ROPN1L: variants seen among roughly 807,000 people sequenced by gnomAD.
ROPN1L encodes the protein ropporin-1-like protein.
In ROPN1L, 23 loss-of-function variants were observed where a neutral mutation model predicts 22.7. The ratio of observed to expected loss-of-function variants is 1.01; its 90% CI spans 0.73 to 1.43. The LOEUF is 1.43. Ranked by LOEUF, ROPN1L falls within the 40% of genes most tolerant of loss-of-function variation. The probability of loss-of-function intolerance (pLI) is 0.00; values close to 1 mark genes in which losing one functional copy is unlikely to be tolerated. For missense variants in ROPN1L, 271 were observed against 291.5 expected, an observed-to-expected ratio of 0.93 and a Z score of 0.51; for synonymous variants, 116 against 117.8, an observed-to-expected ratio of 0.98 and a Z score of 0.10.
downstream of ROPN1L, among the ~76,000 whole-genome samples, chr5:10,466,888 C>T (rs566629088): frequency 2.6e-5 from 4 of 152,230 alleles, no homozygotes; most frequent in East Asian, 1.9e-4. Flanking sequence ...CTGGTTTCTC[C>T]GGAGGCCTCT....
At chr5:10,478,989 C>A in the ROPN1L span, among the ~76,000 whole-genome samples, 1 of 152,176 alleles carries the variant, frequency 6.6e-6, no homozygotes, top group African/African-American at 2.4e-5. Context: ...CTTGTCCACA[C>A]AGAAGGATTA....
downstream of ROPN1L, among the ~76,000 whole-genome samples, chr5:10,468,177 C>T (rs1428825802): frequency 6.6e-6 from 1 of 152,256 alleles, no homozygotes; most frequent in African/African-American, 2.4e-5. Context: ...ACCATTGGGG[C>T]TCCAAGTGCC....
intron 3 of ROPN1L, among the ~76,000 whole-genome samples, chr5:10,459,944 G>A (rs1488725084): frequency 1.3e-5 from 2 of 152,176 alleles, no homozygotes; most frequent in Admixed American, 6.5e-5. Context: ...GTGTGTGTTG[G>A]CGAGGGGGGT....
intron 1 of ROPN1L, among the ~76,000 whole-genome samples, chr5:10,447,927 C>T (rs552251836): frequency 2.7e-4 from 41 of 152,216 alleles, no homozygotes; most frequent in Non-Finnish European, 5.0e-4. Context: ...GGAACTCCAG[C>T]TGATTGTGAA....
chr5:10,459,953 G>A (rs370811338), intron 3 of ROPN1L, among the ~76,000 whole-genome samples: 1 of 152,206 alleles, frequency 6.6e-6, no homozygotes, highest in African/African-American at 2.4e-5. Flanking sequence ...GGCGAGGGGG[G>A]TTACGTTTAA....
At chr5:10,476,119 A>G (rs1365572589), downstream of ROPN1L, among the ~76,000 whole-genome samples, 1 of 152,258 alleles carries the variant, frequency 6.6e-6, no homozygotes, top group Non-Finnish European at 1.5e-5. Context: ...CCACGTGACC[A>G]CATTGAATTG....
At chr5:10,475,998 G>A (rs1735311766), downstream of ROPN1L, among the ~76,000 whole-genome samples, 1 of 152,180 alleles carries the variant, frequency 6.6e-6, no homozygotes, top group Non-Finnish European at 1.5e-5. Flanking sequence ...CATCTGCATG[G>A]GTGCAGTTCA....
chr5:10,445,174 G>A (rs1741016173), intron 1 of ROPN1L, among the ~76,000 whole-genome samples: 2 of 152,086 alleles, frequency 1.3e-5, no homozygotes, highest in African/African-American at 2.4e-5. Flanking sequence ...GTTTCACCAT[G>A]TTGGCCACGC....
Position 10,450,186 on chromosome 5 carries a change from A to G in ROPN1L, c.417+73A>G, listed in dbSNP as rs1741210513. On this transcript the variant is annotated intron_variant, in intron 3 of 4. Transcript: ENST00000274134. The stretch of plus-strand genomic sequence containing the variant: ...CCAGCTTAAAAATAATTTAGGTTTC[A>G]GTAACTAAAGGAAACACTTTAGTAA... 5 of 1,267,124 alleles carry G rather than the reference A, an allele frequency of 3.9e-6. No homozygotes were observed. The South Asian group carries it at 6.5e-5, about 16-fold the overall frequency. 78.5% of individuals were successfully genotyped at this position (1,267,124 alleles called of 1,614,324 possible). A position where few individuals can be genotyped will look rare whatever the true frequency, so the allele number is the denominator to read the frequency against.
intron 3 of ROPN1L, among the ~76,000 whole-genome samples, chr5:10,457,041 A>AC (rs1741442968): frequency 6.6e-6 from 1 of 152,194 alleles, no homozygotes. Context: ...CAAGCAAGGA[A>AC]CATGGATTGT....
Position 10,464,861 on chromosome 5 carries a change from A to G in ROPN1L, c.607A>G (p.Asn203Asp), listed in dbSNP as rs566464299. The G allele has an allele frequency of 8.1e-5, 130 of 1,597,368 alleles. No homozygotes were observed. The highest frequency in any genetic ancestry group is 1.1e-4 in the Non-Finnish European group (127 of 1,173,392). Residue 203 changes from asparagine (N) to aspartate (D), a missense_variant, in exon 5 of 5, where the codon AAC becomes GAC. Coordinates refer to ENST00000274134, the MANE Select transcript of ROPN1L (RefSeq NM_031916.5). ...SLKENIDARK[N>D]GMIGLSDFFF... Reference sequence around the variant, plus strand: ...TTTCCAATTTAGAGACGCCAGGAAGAACGGCATGATAGGTCTTTCAGATTT... The same window carrying G: ...TTTCCAATTTAGAGACGCCAGGAAGGACGGCATGATAGGTCTTTCAGATTT...
the ROPN1L span, among the ~76,000 whole-genome samples, chr5:10,479,714 G>A: frequency 3.9e-5 from 6 of 152,270 alleles, no homozygotes; most frequent in Non-Finnish European, 5.9e-5. Context: ...CTAAATGCAC[G>A]GCACGGCTTT....
chr5:10,461,823 T>C (rs1460528687), intron 4 of ROPN1L, among the ~76,000 whole-genome samples: 1 of 152,240 alleles, frequency 6.6e-6, no homozygotes, highest in Non-Finnish European at 1.5e-5. Context: ...ACAAAGGATA[T>C]TTTAAAGGCT....
intron 4 of ROPN1L, 135 bp from the exon 5 acceptor site, chr5:10,464,713 A>G: frequency 5.6e-6 from 3 of 534,170 alleles, no homozygotes; most frequent in Non-Finnish European, 1.0e-5. Flanking sequence ...TATTTTTGGA[A>G]GTAAGAATTA....
At chr5:10,458,524 C>G (rs1734906522) in intron 3 of ROPN1L, among the ~76,000 whole-genome samples, 1 of 120,172 alleles carries the variant, frequency 8.3e-6, no homozygotes, top group South Asian at 3.2e-4. Context: ...CACCATCCCC[C>G]TCATGTACAC....
intron 1 of ROPN1L, among the ~76,000 whole-genome samples, chr5:10,446,669 A>AAT (rs1192179194): frequency 6.6e-6 from 1 of 151,392 alleles, no homozygotes; most frequent in Non-Finnish European, 1.5e-5. Flanking sequence ...TCAAAAAAAA[A>AAT]AAAGCGTCTC....
intron 3 of ROPN1L, among the ~76,000 whole-genome samples, chr5:10,451,126 A>G (rs995685881): frequency 6.6e-6 from 1 of 152,212 alleles, no homozygotes; most frequent in African/African-American, 2.4e-5. Flanking sequence ...TAGATGAACA[A>G]TTTGATTTTC....
At chr5:10,478,747 A>G in the ROPN1L span, among the ~76,000 whole-genome samples, 43 of 152,218 alleles carry the variant, frequency 2.8e-4, no homozygotes, top group Non-Finnish European at 5.9e-4. Context: ...GTGGACATGA[A>G]TTTTGGGGTG....
chr5:10,453,065 C>T (rs1447547705), intron 3 of ROPN1L, among the ~76,000 whole-genome samples: 4 of 152,220 alleles, frequency 2.6e-5, no homozygotes, highest in African/African-American at 9.6e-5. Context: ...GCCACCTTTG[C>T]CAGCAGGACT....
Sources: allele counts gnomAD v4.1 joint callset (sites outside exome capture counted in the v4.1 genomes callset), GRCh38; gene constraint gnomAD v4.1.1; transcripts MANE v1.5; gene names NCBI Gene and HGNC (gene_info 2026-07-23, HGNC 2026-07-21).